The following GPR83 variants were observed in gnomAD, a reference collection of about 807,000 sequenced individuals.
GPR83 encodes G protein-coupled receptor 83.
GPR83 carries 23 observed loss-of-function variants against 28.0 expected under a neutral mutation model. That is an observed-to-expected ratio of 0.82 (90% CI 0.59 to 1.16). The LOEUF (loss-of-function observed/expected upper bound fraction) is 1.16. Among genes scored for constraint, GPR83 ranks in the 50% most tolerant of loss-of-function variants. GPR83 has a pLI of 0.00. For missense variants in GPR83, 610 were observed against 536.6 expected (o/e 1.14, Z -1.35); for synonymous variants, 234 against 215.4 (o/e 1.09, Z -0.76).
chr11:94,396,406 C>T lies in GPR83; in HGVS notation c.506G>A (p.Arg169His), dbSNP rs1004462961. ...ALTLTAIAVD[R>H]HQVIMHPLKP... ...AGGGGTAGGTGCCCTCACCTGGTGG[C>T]GATCCACCGCAATGGCTGTCAGTGT... is the stretch of plus-strand genomic sequence containing the variant. Residue 169 changes from arginine to histidine, a missense_variant, in exon 2 of 4, where the codon CGC becomes CAC. Coordinates refer to ENST00000243673, the MANE Select transcript of GPR83 (RefSeq NM_016540.4). 19 of 1,613,258 alleles carry T rather than the reference C, an allele frequency of 1.2e-5. No individual in the cohort carries two copies. Among genetic ancestry groups the T allele is most frequent in the East Asian group, 2.2e-5 (1 of 44,854 alleles).
intron 3 of GPR83, among the ~76,000 whole-genome samples, chr11:94,392,662 T>TA (rs1944828355): frequency 6.6e-6 from 1 of 151,894 alleles, no homozygotes; most frequent in African/African-American, 2.4e-5. Flanking sequence ...CCATTTCTAC[T>TA]AAAAATACAA....
intron 3 of GPR83, among the ~76,000 whole-genome samples, chr11:94,386,091 C>T (rs1362873317): frequency 1.3e-5 from 2 of 152,102 alleles, no homozygotes; most frequent in Non-Finnish European, 2.9e-5. Flanking sequence ...TCATATCCAG[C>T]CAAACTAAGC....
rs752216621 is a variant in GPR83, at chr11:94,380,236, G to A, written c.1185C>T (p.Pro395=). Residue 395 remains proline (P), a synonymous_variant, in exon 4 of 4, where the codon CCC becomes CCT. Transcript: ENST00000243673. ...AGGTGGGCAGGAGGTTATTGGCAAGGGGAGCCCTCTGGCCATCATTCTTCT... is the reference window on the plus strand; with the variant it reads ...AGGTGGGCAGGAGGTTATTGGCAAGAGGAGCCCTCTGGCCATCATTCTTCT... The part of the protein sequence containing the change: ...WTEKNDGQRA[P]LANNLLPTSQ... The A allele has an allele frequency of 6.5e-7, 1 of 1,528,308 alleles. No homozygotes were observed. Among genetic ancestry groups the A allele is most frequent in the South Asian group, 1.3e-5 (1 of 75,998 alleles). 94.7% of individuals were successfully genotyped at this position (1,528,308 alleles called of 1,614,324 possible).
In GPR83 at chr11:94,380,281, G is replaced by A. The variant is rs760650059; in HGVS notation, c.1140C>T (p.Ser380=). 6.3e-7 allele frequency: 1 copy of A among 1,584,902 alleles called. No individual in the cohort carries two copies. Among genetic ancestry groups the A allele is most frequent in the Non-Finnish European group, 8.6e-7 (1 of 1,164,502 alleles). Residue 380 remains serine (S), a synonymous_variant, in exon 4 of 4, where the codon TCC becomes TCT. Coordinates refer to ENST00000243673, the MANE Select transcript of GPR83 (RefSeq NM_016540.4). ...TCTTCTCTGTCCAGGCCACCCTGAA[G>A]GAAGGAACTGGGGAGGGTGGCCTGT... The part of the protein sequence containing the change: ...QEDRPPSPVP[S]FRVAWTEKND...
intron 3 of GPR83, among the ~76,000 whole-genome samples, chr11:94,385,105 C>T (rs137866850): frequency 0.082 from 12,477 of 152,218 alleles, 593 homozygotes; most frequent in South Asian, 0.19. Flanking sequence ...AGTGGACCTC[C>T]GGCAAACTCC....
Position 94,377,803 on chromosome 11 carries a change from T to C in GPR83, c.*2346A>G, listed in dbSNP as rs1378962811. The C allele has an allele frequency of 1.3e-5, 2 of 152,210 alleles. No individual in the cohort carries two copies. The highest frequency in any genetic ancestry group is 3.8e-4 in the East Asian group (2 of 5,202). 9.4% of individuals were successfully genotyped at this position (152,210 alleles called of 1,614,324 possible). ...GGCTTGGCTAAGCTACGATGTTCAGTAGGTTGGGTGTATTCAATGCATTTT... is the reference window on the plus strand; with the variant it reads ...GGCTTGGCTAAGCTACGATGTTCAGCAGGTTGGGTGTATTCAATGCATTTT... On this transcript the variant is annotated 3_prime_UTR_variant, in exon 4 of 4. Coordinates refer to ENST00000243673, the MANE Select transcript of GPR83 (RefSeq NM_016540.4).
At chr11:94,389,426 C>T (rs1485998241) in intron 3 of GPR83, among the ~76,000 whole-genome samples, 1 of 152,202 alleles carries the variant, frequency 6.6e-6, no homozygotes, top group Admixed American at 6.5e-5. Context: ...ATCTACTCAT[C>T]TGACAAAGGG....
At chr11:94,399,871 C>T (rs1010733248) in intron 1 of GPR83, among the ~76,000 whole-genome samples, 1 of 152,186 alleles carries the variant, frequency 6.6e-6, no homozygotes, top group Non-Finnish European at 1.5e-5. Flanking sequence ...GCCACACTCC[C>T]CGGTCACAGC....
rs749584984 is a variant in GPR83, at chr11:94,380,260, C to T, written c.1161G>A (p.Glu387=). 5.2e-6 allele frequency: 8 copies of T among 1,547,368 alleles called. No individual in the cohort carries two copies. The highest frequency in any genetic ancestry group is 2.5e-5 in the South Asian group (2 of 79,094). The part of the protein sequence containing the change: ...PVPSFRVAWT[E]KNDGQRAPLA... ...GGGGAGCCCTCTGGCCATCATTCTT[C>T]TCTGTCCAGGCCACCCTGAAGGAAG... Residue 387 remains glutamate (E), a synonymous_variant, in exon 4 of 4, where the codon GAG becomes GAA. Coordinates refer to ENST00000243673, the MANE Select transcript of GPR83 (RefSeq NM_016540.4).
Position 94,378,152 on chromosome 11 carries a change from T to C in GPR83, c.*1997A>G, listed in dbSNP as rs1944640557. The C allele has an allele frequency of 6.6e-6, 1 of 152,066 alleles. No homozygotes were observed. Among genetic ancestry groups the C allele is most frequent in the Non-Finnish European group, 1.5e-5 (1 of 68,022 alleles). 9.4% of individuals were successfully genotyped at this position (152,066 alleles called of 1,614,324 possible). On this transcript the variant is annotated 3_prime_UTR_variant, in exon 4 of 4. Transcript: ENST00000243673. ...GTCTGCCCAATGAAAGTCATGGTTT[T>C]GCCCATAATTCAGTGAGTTTTCAAA...
chr11:94,393,432 T>C (rs1393142514), intron 3 of GPR83, 53 bp downstream of exon 3: 2 of 1,584,426 alleles, frequency 1.3e-6, no homozygotes, highest in Non-Finnish European at 1.7e-6. Context: ...TGGTGGAGCC[T>C]GACTCAGGAG....
chr11:94,378,355 C>G lies in GPR83; in HGVS notation c.*1794G>C, dbSNP rs966333048. 6.6e-6 allele frequency: 1 copy of G among 152,198 alleles called. No homozygotes were observed. The highest frequency in any genetic ancestry group is 1.5e-5 in the Non-Finnish European group (1 of 68,046). 9.4% of individuals were successfully genotyped at this position (152,198 alleles called of 1,614,324 possible). On this transcript the variant is annotated 3_prime_UTR_variant, in exon 4 of 4. Transcript: ENST00000243673. ...CCTTAGTTTCCTACTGAGCTCATAT[C>G]CATGCTTTGATTTCAGAGTTTATCT... is the stretch of plus-strand genomic sequence containing the variant.
intron 3 of GPR83, among the ~76,000 whole-genome samples, chr11:94,388,723 A>G (rs1253466755): frequency 6.6e-6 from 1 of 152,246 alleles, no homozygotes; most frequent in Non-Finnish European, 1.5e-5. Flanking sequence ...AGGAAGAATC[A>G]GTATTGTGAA....
At chr11:94,389,354 G>C (rs4753606) in intron 3 of GPR83, among the ~76,000 whole-genome samples, 15,218 of 152,110 alleles carry the variant, frequency 0.1, 852 homozygotes, top group Admixed American at 0.15. Flanking sequence ...AGCTTCTGCA[G>C]AGCAAAAGAA....
rs1210624547 is a variant in GPR83 at position 94,379,080 on chromosome 11, G to GA, written c.*1068dup. On this transcript the variant is annotated 3_prime_UTR_variant, in exon 4 of 4. Transcript: ENST00000243673. ...ACAATCTAAATGAAAAAGTATAAATGAAAAAAAAGGGCCGGGCGGGGTGGC... is the reference window on the plus strand; with the variant it reads ...ACAATCTAAATGAAAAAGTATAAATGAAAAAAAAAGGGCCGGGCGGGGTGGC... 6 of 151,494 alleles carry GA rather than the reference G, an allele frequency of 4.0e-5. No individual in the cohort carries two copies. The highest frequency in any genetic ancestry group is 7.4e-5 in the Non-Finnish European group (5 of 67,920). The allele number at this position is 151,494 out of a possible 1,614,324, so 9.4% of individuals were successfully genotyped here. A position where few individuals can be genotyped will look rare whatever the true frequency, so the allele number is the denominator to read the frequency against.
chr11:94,381,321 T>C (rs942818544), intron 3 of GPR83, among the ~76,000 whole-genome samples: 1 of 152,148 alleles, frequency 6.6e-6, no homozygotes, highest in Non-Finnish European at 1.5e-5. Context: ...GGTGCTCTAG[T>C]TCTATGTCCT....
At chr11:94,385,955 C>G (rs1335404328) in intron 3 of GPR83, among the ~76,000 whole-genome samples, 2 of 152,148 alleles carry the variant, frequency 1.3e-5, no homozygotes, top group African/African-American at 2.4e-5. Flanking sequence ...AGAGAAAGGT[C>G]GGGTTACCCA....
intron 3 of GPR83, among the ~76,000 whole-genome samples, chr11:94,388,173 C>T (rs1944779215): frequency 1.3e-5 from 2 of 152,256 alleles, no homozygotes; most frequent in South Asian, 2.1e-4. Context: ...GGACGTATCT[C>T]AAAATAATAA....
In GPR83 at chr11:94,377,920, TACA is replaced by T. The variant is rs1944638612; in HGVS notation, c.*2226_*2228del. 6.6e-6 allele frequency: 1 copy of T among 152,190 alleles called. No homozygotes were observed. The highest frequency in any genetic ancestry group is 1.5e-5 in the Non-Finnish European group (1 of 68,040). 9.4% of individuals were successfully genotyped at this position (152,190 alleles called of 1,614,324 possible). A position where few individuals can be genotyped will look rare whatever the true frequency, so the allele number is the denominator to read the frequency against. On this transcript the variant is annotated 3_prime_UTR_variant, in exon 4 of 4. Coordinates refer to ENST00000243673, the MANE Select transcript of GPR83 (RefSeq NM_016540.4). ...TAGACACCCTCAGAGAGGAGTGAAG[TACA>T]ACATCCTCCATGCTTCCCAGAGCAG...
Sources: gnomAD v4.1 joint callset for allele counts (sites outside exome capture counted in the v4.1 genomes callset) on GRCh38, gnomAD v4.1.1 for gene constraint, MANE v1.5 for transcripts, NCBI Gene and HGNC (gene_info 2026-07-23, HGNC 2026-07-21) for gene names.